The following SIM2 variants were observed in gnomAD, a reference collection of about 807,000 sequenced individuals.
SIM2 encodes single-minded homolog 2.
A neutral mutation model predicts 64.8 loss-of-function variants in SIM2; 28 were observed. That is an observed-to-expected ratio of 0.43 (90% confidence interval 0.32 to 0.59). The LOEUF (loss-of-function observed/expected upper bound fraction) is 0.59. SIM2 is among the 20% of genes least tolerant of loss of function. The pLI, the probability that SIM2 is intolerant of heterozygous loss-of-function variation, is 0.07. For missense variants in SIM2, 847 were observed against 871.4 expected, an observed-to-expected ratio of 0.97 and a Z score of 0.35; for synonymous variants, 408 against 391.1, an observed-to-expected ratio of 1.04 and a Z score of -0.51.
chr21:36,745,534 A>C lies in SIM2; in HGVS notation c.1576+398A>C. On this transcript the variant is annotated intron_variant, in intron 10 of 10. Transcript: ENST00000290399. The surrounding 1 kb of genome is among the most constrained non-coding windows in gnomAD (Gnocchi z 4.8). ...CCAACCAGAAGTGAATATTTGAGAC[A>C]AACGGCCTATTGGCTATTTTCCCAT... 8.9e-7 allele frequency: 1 copy of C among 1,123,878 alleles called. No homozygotes were observed. Among genetic ancestry groups the C allele is most frequent in the Non-Finnish European group, 1.1e-6 (1 of 906,636 alleles). The allele number at this position is 1,123,878 out of a possible 1,614,324, so 69.6% of individuals were successfully genotyped here.
In SIM2 at chr21:36,744,869, A is replaced by G; in HGVS notation, c.1309A>G (p.Ser437Gly). 2 of 1,614,250 alleles carry G rather than the reference A, an allele frequency of 1.2e-6. No individual in the cohort carries two copies. The highest frequency in any genetic ancestry group is 1.7e-6 in the Non-Finnish European group (2 of 1,180,042). ...TGACCTTCTGTACACGCCATCCTAC[A>G]GCCTGCCCTTCTCCTACCATTACGG... Reference protein sequence around the residue: ...SSDLLYTPSYSLPFSYHYGHF... With the variant: ...SSDLLYTPSYGLPFSYHYGHF... The change falls in exon 10 of 11, where the codon AGC (serine) becomes GGC (glycine). Residue 437 changes from serine to glycine, a missense_variant. Physicochemically the swap from Ser to Gly is moderately conservative, Grantham distance 56 (BLOSUM62 0). Transcript: ENST00000290399.
At chr21:36,721,848 C>A (rs1162685684) in intron 4 of SIM2, among the ~76,000 whole-genome samples, 1 of 152,266 alleles carries the variant, frequency 6.6e-6, no homozygotes, top group South Asian at 2.1e-4. Flanking sequence ...TAAATGAGAG[C>A]AAATGAGTCT....
At chr21:36,736,696 T>C (rs2089053186) in intron 7 of SIM2, among the ~76,000 whole-genome samples, 1 of 151,646 alleles carries the variant, frequency 6.6e-6, no homozygotes, top group Admixed American at 6.6e-5. Context: ...TGTGCCACAA[T>C]ATTCCCCAGA....
rs1162744955 is a variant in SIM2, at chr21:36,712,605, C to T, written c.331C>T (p.His111Tyr). The T allele has an allele frequency of 6.2e-7, 1 of 1,612,352 alleles. No homozygotes were observed. The highest frequency in any genetic ancestry group is 8.5e-7 in the Non-Finnish European group (1 of 1,178,936). ...GTATATATCCGAGACCGCTTCTGTCCATTTAGGCTTATCCCAGGTGGGTAT... is the reference window on the plus strand; with the variant it reads ...GTATATATCCGAGACCGCTTCTGTCTATTTAGGCTTATCCCAGGTGGGTAT... The part of the protein sequence containing the change: ...IMYISETASV[H>Y]LGLSQVELTG... The change falls in exon 3 of 11, where the codon CAT (histidine) becomes TAT (tyrosine). Residue 111 changes from histidine to tyrosine, a missense_variant. His to Tyr is a moderately conservative substitution (Grantham distance 83). This residue lies in a region of SIM2 where 397 missense variants were observed against 439.2 expected (regional missense o/e 0.90). Transcript: ENST00000290399.
At position 36,747,835 on chromosome 21, in the gene SIM2, C is replaced by A; in HGVS notation, c.1747C>A (p.Pro583Thr). 2 of 1,034,722 alleles carry A rather than the reference C, an allele frequency of 1.9e-6. No homozygotes were observed. Among genetic ancestry groups the A allele is most frequent in the South Asian group, 3.3e-5 (1 of 30,722 alleles). The allele number at this position is 1,034,722 out of a possible 1,614,324, so 64.1% of individuals were successfully genotyped here. A position where few individuals can be genotyped will look rare whatever the true frequency, so the allele number is the denominator to read the frequency against. The change falls in exon 11 of 11, where the codon CCC (proline) becomes ACC (threonine). Residue 583 changes from proline (P) to threonine (T), a missense_variant. By Grantham distance (38) the Pro-to-Thr change is conservative. This residue lies in a region of SIM2 where 447 missense variants were observed against 414.6 expected (regional missense o/e 1.08). Coordinates refer to ENST00000290399, the MANE Select transcript of SIM2 (RefSeq NM_005069.6). This position sits in a 1 kb window ranked among gnomAD's most constrained non-coding sequence, Gnocchi z 4.5. ...CCGCGCGGCACCCGAGTGCTGCGCG[C>A]CCCCGACCCCCGAGGCCCCGGGCGC... ...LARAAPECCA[P>T]PTPEAPGAPA...
intron 6 of SIM2, 43 bp from the exon 7 acceptor site, chr21:36,731,002 T>C: frequency 7.2e-7 from 1 of 1,385,630 alleles, no homozygotes; most frequent in Non-Finnish European, 1.0e-6. Context: ...TGAAAGGCAG[T>C]CTGCAGAGTG....
rs1285144995 is a variant in SIM2 at position 36,720,159 on chromosome 21, T to G, written c.457+230T>G. 12 of 543,028 alleles carry G rather than the reference T, an allele frequency of 2.2e-5. No individual in the cohort carries two copies. The East Asian group carries it at 3.6e-4, about 16-fold the overall frequency. 33.6% of individuals were successfully genotyped at this position (543,028 alleles called of 1,614,324 possible). A position where few individuals can be genotyped will look rare whatever the true frequency, so the allele number is the denominator to read the frequency against. ...CTCCTATTGTTGGCCAGAACCCGTG[T>G]TGAGTGCTAGGTAGAGGACAAAAGT... On this transcript the variant is annotated intron_variant, in intron 4 of 10. Transcript: ENST00000290399.
intron 1 of SIM2, among the ~76,000 whole-genome samples, chr21:36,701,860 A>G (rs2088503507): frequency 6.6e-6 from 1 of 152,228 alleles, no homozygotes; most frequent in African/African-American, 2.4e-5. Context: ...ACCGCATGCA[A>G]CAAAGCAGGT....
chr21:36,705,704 G>T (rs2088571173), intron 1 of SIM2, among the ~76,000 whole-genome samples: 2 of 152,192 alleles, frequency 1.3e-5, no homozygotes, highest in Admixed American at 1.3e-4. Context: ...CCCAGGTGGG[G>T]CTCCCAAACC....
chr21:36,724,111 G>A (rs994642010), intron 5 of SIM2, among the ~76,000 whole-genome samples: 3 of 152,248 alleles, frequency 2.0e-5, no homozygotes, highest in Non-Finnish European at 4.4e-5. Flanking sequence ...CTTTCTGGAA[G>A]GCCCCGCCCC....
rs747590020 is a variant in SIM2 at position 36,699,945 on chromosome 21, G to A, written c.175+24G>A. The A allele has an allele frequency of 1.3e-6, 2 of 1,565,626 alleles. No individual in the cohort carries two copies. The highest frequency in any genetic ancestry group is 2.1e-4 in the Middle Eastern group (1 of 4,816). On this transcript the variant is annotated intron_variant, in intron 1 of 10. Transcript: ENST00000290399. This position sits in a 1 kb window ranked among gnomAD's most constrained non-coding sequence, Gnocchi z 5.6. ...AGGTGAGGCCTCAGGTGGGCGGCCG[G>A]GGACGCTGGGGAGCCCGGCGGCCCC...
chr21:36,740,971 C>T (rs989771074), intron 7 of SIM2, among the ~76,000 whole-genome samples: 9 of 152,242 alleles, frequency 5.9e-5, no homozygotes, highest in African/African-American at 2.2e-4. Context: ...GGTTCTGGCA[C>T]TTTCCTCCCC....
At chr21:36,719,998 G>A (rs775886133) in intron 4 of SIM2, 69 bp downstream of exon 4, 6 of 1,137,918 alleles carry the variant, frequency 5.3e-6, no homozygotes, top group African/African-American at 1.5e-5. Context: ...GGAACTCAGG[G>A]CTTTGCTTCC....
At chr21:36,739,416 G>A (rs1177725252) in intron 7 of SIM2, among the ~76,000 whole-genome samples, 1 of 152,120 alleles carries the variant, frequency 6.6e-6, no homozygotes, top group East Asian at 1.9e-4. Context: ...CTTTTCTTCT[G>A]TTAACATTGT....
In SIM2 at chr21:36,749,441, GAACT is replaced by G. The variant is rs1438836669; in HGVS notation, c.*1350_*1353del. ...CCTACACCAACTGCTCTCAAAATGT[GAACT>G]GACTTTTTTTTTTTTTTTTTTGCCA... On this transcript the variant is annotated 3_prime_UTR_variant, in exon 11 of 11. Coordinates refer to ENST00000290399, the MANE Select transcript of SIM2 (RefSeq NM_005069.6). The G allele has an allele frequency of 2.8e-4, 34 of 119,380 alleles. No homozygotes were observed. The highest frequency in any genetic ancestry group is 4.8e-4 in the Admixed American group (6 of 12,412). The allele number at this position is 119,380 out of a possible 1,614,324, so 7.4% of individuals were successfully genotyped here.
At chr21:36,725,573 T>C (rs1287665973) in intron 5 of SIM2, among the ~76,000 whole-genome samples, 1 of 152,320 alleles carries the variant, frequency 6.6e-6, no homozygotes, top group South Asian at 2.1e-4. Context: ...CCCTAATTTG[T>C]AGTTACTTAC....
chr21:36,728,199 G>A (rs1237993096), intron 6 of SIM2, among the ~76,000 whole-genome samples: 1 of 152,210 alleles, frequency 6.6e-6, no homozygotes, highest in African/African-American at 2.4e-5. Flanking sequence ...GACATCAGCT[G>A]CCCAAAGTCA....
chr21:36,706,326 C>T (rs9981556), intron 1 of SIM2, among the ~76,000 whole-genome samples: 7 of 152,094 alleles, frequency 4.6e-5, no homozygotes, highest in Non-Finnish European at 7.4e-5. Context: ...CCCACAGGTC[C>T]TGCAGTGCTC....
At chr21:36,737,984 C>CAAAAAAAAAAAA (rs71326699) in intron 7 of SIM2, among the ~76,000 whole-genome samples, 5 of 90,236 alleles carry the variant, frequency 5.5e-5, no homozygotes, top group Non-Finnish European at 1.1e-4. Flanking sequence ...AAAAAAAAAG[C>CAAAAAAAAAAAA]AAAAAAAAAG....
Sources: allele counts gnomAD v4.1 joint callset (sites outside exome capture counted in the v4.1 genomes callset), GRCh38; gene constraint gnomAD v4.1.1; regional missense constraint gnomAD v4.1.1; non-coding constraint Gnocchi (gnomAD v3.1); transcripts MANE v1.5; gene names NCBI Gene and HGNC (gene_info 2026-07-23, HGNC 2026-07-21).